The following LEF1 variants were observed in gnomAD, a reference collection of about 807,000 sequenced individuals.
LEF1 encodes the protein lymphoid enhancer binding factor 1.
In LEF1, 14 loss-of-function variants were observed where a neutral mutation model predicts 51.2. That is an observed-to-expected ratio of 0.27 (90% confidence interval 0.18 to 0.43). The LOEUF is 0.43. LEF1 is among the 20% of genes least tolerant of loss of function. LEF1 has a pLI of 1.00. For missense variants in LEF1, 386 were observed against 512.0 expected (o/e 0.75, Z 2.37); for synonymous variants, 185 against 183.2 (o/e 1.01, Z -0.08).
At chr4:108,102,619 A>T (rs1263224099) in intron 3 of LEF1, among the ~76,000 whole-genome samples, 1 of 152,228 alleles carries the variant, frequency 6.6e-6, no homozygotes, top group African/African-American at 2.4e-5. Flanking sequence ...TCCAGCTGAT[A>T]CAGGGACATG....
chr4:108,068,692 G>T (rs906000162), intron 9 of LEF1, among the ~76,000 whole-genome samples: 2 of 152,116 alleles, frequency 1.3e-5, no homozygotes, highest in African/African-American at 4.8e-5. Flanking sequence ...GACTTTTTCT[G>T]TGGAGCATAT....
chr4:108,088,016 C>A (rs568278619), intron 4 of LEF1, among the ~76,000 whole-genome samples: 1 of 152,322 alleles, frequency 6.6e-6, no homozygotes, highest in South Asian at 2.1e-4. Flanking sequence ...CAGAAGCAAA[C>A]CTAGAAATGT....
chr4:108,121,485 CTT>C (rs1742177186), intron 3 of LEF1, among the ~76,000 whole-genome samples: 1 of 152,162 alleles, frequency 6.6e-6, no homozygotes, highest in Admixed American at 6.5e-5. Context: ...TTTTTTAACT[CTT>C]GAGGAAAAAT....
At chr4:108,116,051 G>C (rs1425104347) in intron 3 of LEF1, among the ~76,000 whole-genome samples, 1 of 152,130 alleles carries the variant, frequency 6.6e-6, no homozygotes, top group African/African-American at 2.4e-5. Context: ...TCCAAGTTAA[G>C]CTATAGGCTC....
At chr4:108,164,844 T>A (rs1178692588) in intron 2 of LEF1, among the ~76,000 whole-genome samples, 2 of 152,074 alleles carry the variant, frequency 1.3e-5, no homozygotes, top group African/African-American at 4.8e-5. Context: ...ATTGTAGACA[T>A]TCCCTCTTCC....
intron 3 of LEF1, among the ~76,000 whole-genome samples, chr4:108,091,464 GA>G (rs201140032): frequency 6.8e-5 from 10 of 148,002 alleles, no homozygotes; most frequent in East Asian, 3.9e-4. Flanking sequence ...GAAAAAAAAG[GA>G]AAAAAAAATC....
At chr4:108,166,430 G>C in intron 1 of LEF1, 1 of 1,414,406 alleles carries the variant, frequency 7.1e-7, no homozygotes, top group Non-Finnish European at 9.2e-7. Flanking sequence ...TCTTTGGAGG[G>C]AAAAGGCGTT....
chr4:108,149,677 T>C (rs1034670130), intron 3 of LEF1, among the ~76,000 whole-genome samples: 5 of 148,916 alleles, frequency 3.4e-5, no homozygotes, highest in Admixed American at 6.7e-5. Context: ...AACTGGATAC[T>C]ATCCAGCCAT....
chr4:108,142,982 TC>T (rs1672820532), intron 3 of LEF1, among the ~76,000 whole-genome samples: 1 of 152,198 alleles, frequency 6.6e-6, no homozygotes, highest in Non-Finnish European at 1.5e-5. Flanking sequence ...TCTACAAAGT[TC>T]TAAAACTTAT....
At chr4:108,079,959 C>A (rs375462724) in intron 6 of LEF1, among the ~76,000 whole-genome samples, 1 of 152,148 alleles carries the variant, frequency 6.6e-6, no homozygotes, top group Non-Finnish European at 1.5e-5. Flanking sequence ...GCCTATATTC[C>A]TAAGCAAACC....
chr4:108,086,026 C>A (rs1335109712), intron 4 of LEF1, among the ~76,000 whole-genome samples: 1 of 152,188 alleles, frequency 6.6e-6, no homozygotes, highest in Non-Finnish European at 1.5e-5. Flanking sequence ...TTAAAACAGA[C>A]CCATTCCATA....
In LEF1 at chr4:108,078,349, C is replaced by G. The variant is rs1190785094; in HGVS notation, c.879G>C (p.Glu293Asp). 6 of 1,614,020 alleles carry G rather than the reference C, an allele frequency of 3.7e-6. No homozygotes were observed. The highest frequency in any genetic ancestry group is 1.3e-5 in the African/African-American group (1 of 74,900). The stretch of plus-strand genomic sequence containing the variant: ...GCTTCTTAATGTGAGGTCTTTTTGG[C>G]TCCTGCTCCTTTCTCTGTTCATGCT... Reference protein sequence around the residue: ...KPQHEQRKEQEPKRPHIKKPL... With the variant: ...KPQHEQRKEQDPKRPHIKKPL... Residue 293 changes from glutamate (E) to aspartate (D), a missense_variant, in exon 8 of 12, where the codon GAG becomes GAC. Physicochemically the swap from Glu to Asp is conservative, Grantham distance 45 (BLOSUM62 2). Around this residue, in one of 2 missense-constraint regions of LEF1, gnomAD observed 335 missense variants for 390.7 expected, o/e 0.86. Transcript: ENST00000265165.
intron 3 of LEF1, among the ~76,000 whole-genome samples, chr4:108,161,618 A>G (rs1406949534): frequency 1.3e-5 from 2 of 152,252 alleles, no homozygotes; most frequent in Admixed American, 6.5e-5. Context: ...AAGACTGTGG[A>G]AACACAAGGC....
chr4:108,166,792 A>G, intron 1 of LEF1: 1 of 985,972 alleles, frequency 1.0e-6, no homozygotes, highest in Non-Finnish European at 1.2e-6. Flanking sequence ...CAAACCCCAA[A>G]TAAAAGTTGT....
At chr4:108,104,532 G>GT (rs1180190748) in intron 3 of LEF1, 2 of 151,042 alleles carry the variant, frequency 1.3e-5, no homozygotes, top group African/African-American at 4.9e-5. Flanking sequence ...TCTGAACATT[G>GT]TAATTTCACA....
chr4:108,134,535 G>A (rs1743130415), intron 3 of LEF1, among the ~76,000 whole-genome samples: 1 of 152,214 alleles, frequency 6.6e-6, no homozygotes, highest in African/African-American at 2.4e-5. Flanking sequence ...AGAGGAGACT[G>A]GAGAAGCTGA....
intron 11 of LEF1, among the ~76,000 whole-genome samples, chr4:108,059,415 C>A (rs1737526519): frequency 6.6e-6 from 1 of 151,788 alleles, no homozygotes; most frequent in Non-Finnish European, 1.5e-5. Context: ...ACTCCTAGGT[C>A]CAAGCTATTC....
At position 108,116,599 on chromosome 4, in the gene LEF1, C is replaced by A. The variant is rs1037615902; in HGVS notation, c.415-27342G>T. ...AGTACAGTACACCCCAATTAACCCT[C>A]ATGATGGCCACACACATAAAATCCA... On this transcript the variant is annotated intron_variant, in intron 3 of 11. Transcript: ENST00000265165. Among the ~76,000 whole-genome samples, 4 of 152,348 alleles carry A rather than the reference C, an allele frequency of 2.6e-5. No individual in the cohort carries two copies. In the East Asian group the frequency reaches 7.7e-4, roughly 29 times the overall value.
rs1286621489 is a variant in LEF1, at chr4:108,168,708, C to T, written c.-941G>A. 1 of 152,284 alleles carries T rather than the reference C, an allele frequency of 6.6e-6. No individual in the cohort carries two copies. Among genetic ancestry groups the T allele is most frequent in the Non-Finnish European group, 1.5e-5 (1 of 68,122 alleles). 9.4% of individuals were successfully genotyped at this position (152,284 alleles called of 1,614,324 possible). A position where few individuals can be genotyped will look rare whatever the true frequency, so the allele number is the denominator to read the frequency against. ...TTGTTCCCGGCTCGAGTTTCTCAGC[C>T]TGGCTCGCCGGCTCGCCGCTCTGCA... On this transcript the variant is annotated 5_prime_UTR_variant, in exon 1 of 12. Transcript: ENST00000265165. This position sits in a 1 kb window ranked among gnomAD's most constrained non-coding sequence, Gnocchi z 4.6.
Sources: gnomAD v4.1 joint callset for allele counts (sites outside exome capture counted in the v4.1 genomes callset) on GRCh38, gnomAD v4.1.1 for gene constraint, gnomAD v4.1.1 regional missense constraint, Gnocchi (gnomAD v3.1) non-coding constraint, MANE v1.5 for transcripts, NCBI Gene and HGNC (gene_info 2026-07-23, HGNC 2026-07-21) for gene names.